Variants in CORO2A observed in about 807,000 individuals in gnomAD.
CORO2A encodes the protein coronin-2A.
Under a neutral mutation model 62.4 loss-of-function variants are expected in CORO2A, and 47 were observed. The observed-to-expected ratio is 0.75, with a 90% confidence interval of 0.60 to 0.96. The LOEUF (loss-of-function observed/expected upper bound fraction) is 0.96, where lower values mean the gene tolerates loss of function less well. CORO2A is among the 40% of genes least tolerant of loss of function. The pLI is 0.00. For synonymous variants in CORO2A, 273 were observed against 268.9 expected, an observed-to-expected ratio of 1.02 and a Z score of -0.15; for missense variants, 610 against 684.1, an observed-to-expected ratio of 0.89 and a Z score of 1.21.
In CORO2A at chr9:98,154,352, T is replaced by TATATATATATATATATATATATATATAC. The variant is rs71369555; in HGVS notation, c.201+3107_201+3108insGTATATATATATATATATATATATATAT. On this transcript the variant is annotated intron_variant, in intron 2 of 11. Transcript: ENST00000375077. ...GTGTATATATATATATATATATATA[T>TATATATATATATATATATATATATATAC]ACACAAATACATATATATATATATT... is the stretch of plus-strand genomic sequence containing the variant. 7.0e-4 allele frequency among the ~76,000 whole-genome samples: 66 copies of TATATATATATATATATATATATATATAC among 93,982 alleles called. 1 individual carries two copies. Among genetic ancestry groups the TATATATATATATATATATATATATATAC allele is most frequent in the Non-Finnish European group, 9.3e-4 (42 of 45,262 alleles). The allele number at this position is 93,982 out of a possible 152,430, so 61.7% of individuals were successfully genotyped here.
At chr9:98,191,428 G>A (rs577620110) in intron 1 of CORO2A, among the ~76,000 whole-genome samples, 2 of 152,332 alleles carry the variant, frequency 1.3e-5, no homozygotes, top group African/African-American at 4.8e-5. Context: ...GCTGGGCCTG[G>A]GGCTGCTGGG....
Position 98,123,479 on chromosome 9 carries a change from C to T in CORO2A, c.*1295G>A, listed in dbSNP as rs1469688850. 6.6e-6 allele frequency: 1 copy of T among 152,008 alleles called. No individual in the cohort carries two copies. Among genetic ancestry groups the T allele is most frequent in the South Asian group, 2.1e-4 (1 of 4,816 alleles). The allele number at this position is 152,008 out of a possible 1,614,324, so 9.4% of individuals were successfully genotyped here. On this transcript the variant is annotated 3_prime_UTR_variant, in exon 12 of 12. Coordinates refer to ENST00000375077, the MANE Select transcript of CORO2A (RefSeq NM_052820.4). The stretch of plus-strand genomic sequence containing the variant: ...AGACACAGCCTTCCTGCTTAGTCTT[C>T]CCCTATTCTCTCTCTCTTTTTTTTT...
intron 1 of CORO2A, among the ~76,000 whole-genome samples, chr9:98,188,362 G>C (rs1828263607): frequency 6.6e-6 from 1 of 151,858 alleles, no homozygotes; most frequent in African/African-American, 2.4e-5. Flanking sequence ...TTTATTTATT[G>C]TTTTTCATCT....
In CORO2A at chr9:98,134,108, T is replaced by G. The variant is rs1011031747; in HGVS notation, c.468+698A>C. ...CCCGAGGTGTCTCTGTAAACCCCTA[T>G]AGTGTCAAAAGGAAAGAACTGAAAG... On this transcript the variant is annotated intron_variant, in intron 4 of 11. Transcript: ENST00000375077. Among the ~76,000 whole-genome samples the G allele has an allele frequency of 2.0e-5, 3 of 152,194 alleles. No individual in the cohort carries two copies. In the East Asian group the frequency reaches 5.8e-4, roughly 29 times the overall value.
At chr9:98,152,011 T>C (rs1402666912) in intron 2 of CORO2A, among the ~76,000 whole-genome samples, 1 of 151,930 alleles carries the variant, frequency 6.6e-6, no homozygotes, top group Non-Finnish European at 1.5e-5. Flanking sequence ...GAGATGGGGT[T>C]TCACCATGTT....
At chr9:98,155,811 T>C (rs1466922840) in intron 2 of CORO2A, among the ~76,000 whole-genome samples, 5 of 152,224 alleles carry the variant, frequency 3.3e-5, no homozygotes, top group East Asian at 3.8e-4. Context: ...TTAGTTCTTA[T>C]TAGATTTCAA....
rs1486324542 is a variant in CORO2A, at chr9:98,122,447, A to C, written c.*2327T>G. The stretch of plus-strand genomic sequence containing the variant: ...GTCCCCACCTCAGCTCCAGAATCTA[A>C]TCGCCCTGTGCAATGGAGATCATCT... On this transcript the variant is annotated 3_prime_UTR_variant, in exon 12 of 12. Coordinates refer to ENST00000375077, the MANE Select transcript of CORO2A (RefSeq NM_052820.4). 1.3e-5 allele frequency: 2 copies of C among 151,978 alleles called. No individual in the cohort carries two copies. The highest frequency in any genetic ancestry group is 2.9e-5 in the Non-Finnish European group (2 of 68,020). 9.4% of individuals were successfully genotyped at this position (151,978 alleles called of 1,614,324 possible).
chr9:98,177,165 C>G (rs904518805), intron 1 of CORO2A, among the ~76,000 whole-genome samples: 7 of 152,104 alleles, frequency 4.6e-5, no homozygotes, highest in Non-Finnish European at 8.8e-5. Context: ...GATGGCAGAC[C>G]TTAGGTCTTT....
At chr9:98,174,785 T>C (rs553880604) in intron 1 of CORO2A, among the ~76,000 whole-genome samples, 2 of 152,306 alleles carry the variant, frequency 1.3e-5, no homozygotes, top group Admixed American at 1.3e-4. Context: ...CCCAGCCATG[T>C]GGAACTGTGA....
intron 2 of CORO2A, 86 bp downstream of exon 2, chr9:98,157,374 G>A (rs1224382996): frequency 7.7e-7 from 1 of 1,292,810 alleles, no homozygotes; most frequent in Non-Finnish European, 1.1e-6. Context: ...GCAGGGCTAG[G>A]ACTTTCTAGA....
chr9:98,173,103 C>T (rs1387885984), intron 1 of CORO2A, among the ~76,000 whole-genome samples: 2 of 152,202 alleles, frequency 1.3e-5, no homozygotes, highest in South Asian at 2.1e-4. Context: ...CCAGGAGTTC[C>T]AGACTAGCCT....
At chr9:98,146,956 G>A (rs902521285) in intron 2 of CORO2A, among the ~76,000 whole-genome samples, 9 of 152,244 alleles carry the variant, frequency 5.9e-5, no homozygotes, top group Non-Finnish European at 8.8e-5. Context: ...CAGTAGTAAT[G>A]GATGTGGTTA....
At chr9:98,192,097 T>G (rs903417942) in intron 1 of CORO2A, among the ~76,000 whole-genome samples, 2 of 152,158 alleles carry the variant, frequency 1.3e-5, no homozygotes, top group Non-Finnish European at 2.9e-5. Flanking sequence ...CCCCACCGTT[T>G]CCTGTACCAG....
chr9:98,162,543 TGGGGCAGCCGCTAGCAA>T (rs1330475738), intron 1 of CORO2A, among the ~76,000 whole-genome samples: 1 of 151,932 alleles, frequency 6.6e-6, no homozygotes, highest in Non-Finnish European at 1.5e-5. Context: ...AAGTAGGGGG[TGGGGCAGCCGCTAGCAA>T]GGCCAGCTAC....
chr9:98,178,830 G>A (rs530775562), intron 1 of CORO2A, among the ~76,000 whole-genome samples: 2 of 152,308 alleles, frequency 1.3e-5, no homozygotes, highest in South Asian at 2.1e-4. Flanking sequence ...GAAGAGAGTC[G>A]GAGATAATTT....
intron 2 of CORO2A, among the ~76,000 whole-genome samples, chr9:98,140,261 G>C (rs1237244650): frequency 6.6e-6 from 1 of 152,148 alleles, no homozygotes; most frequent in South Asian, 2.1e-4. Flanking sequence ...AGGTGCCCAG[G>C]GGACAGGTGC....
At chr9:98,136,989 A>G (rs1207226443) in intron 3 of CORO2A, among the ~76,000 whole-genome samples, 2 of 152,192 alleles carry the variant, frequency 1.3e-5, no homozygotes, top group Non-Finnish European at 2.9e-5. Context: ...AACCTGGCAT[A>G]TCTGTGGTTC....
intron 2 of CORO2A, among the ~76,000 whole-genome samples, chr9:98,140,477 G>A (rs1827550710): frequency 6.6e-6 from 1 of 150,868 alleles, no homozygotes; most frequent in African/African-American, 2.4e-5. Flanking sequence ...GTCTCACTCT[G>A]TTGTCCAGGC....
At chr9:98,141,990 G>A (rs1827574982) in intron 2 of CORO2A, among the ~76,000 whole-genome samples, 1 of 152,108 alleles carries the variant, frequency 6.6e-6, no homozygotes, top group Non-Finnish European at 1.5e-5. Context: ...GTTATATCTA[G>A]ATGGTGGAAT....
Sources: gnomAD v4.1 joint callset for allele counts (sites outside exome capture counted in the v4.1 genomes callset) on GRCh38, gnomAD v4.1.1 for gene constraint, MANE v1.5 for transcripts, NCBI Gene and HGNC (gene_info 2026-07-23, HGNC 2026-07-21) for gene names.